The following FGF13 variants were observed in gnomAD, a reference collection of about 807,000 sequenced individuals.
The protein encoded by FGF13 is fibroblast growth factor 13.
Under a neutral mutation model 19.5 loss-of-function variants are expected in FGF13, and 2 were observed. The observed-to-expected ratio is 0.10, with a 90% CI of 0.04 to 0.32. The LOEUF is 0.32. Ranked by LOEUF, FGF13 falls within the 10% of genes least tolerant of loss-of-function variation. FGF13 has a pLI of 1.00. For synonymous variants in FGF13, 72 were observed against 76.9 expected, an observed-to-expected ratio of 0.94 and a Z score of 0.33; for missense variants, 113 against 192.7, an observed-to-expected ratio of 0.59 and a Z score of 2.45.
chrX:138,718,044 T>C (rs1326317106), intron 1 of FGF13, among the ~76,000 whole-genome samples: 1 of 112,377 alleles, frequency 8.9e-6, no homozygotes, highest in Non-Finnish European at 1.9e-5. Flanking sequence ...ACACAATAAA[T>C]GTATTATTAA....
intron 1 of FGF13, among the ~76,000 whole-genome samples, chrX:139,120,733 G>C (rs1411294152): frequency 8.9e-6 from 1 of 112,682 alleles, no homozygotes; most frequent in Non-Finnish European, 1.9e-5. Flanking sequence ...AATTAGTTTG[G>C]GACATGTCCC....
At chrX:138,871,707 G>A (rs965824979) in intron 1 of FGF13, among the ~76,000 whole-genome samples, 1 of 111,650 alleles carries the variant, frequency 9.0e-6, no homozygotes, top group African/African-American at 3.3e-5. Flanking sequence ...CAGGAGAAAA[G>A]AGTTTCCAGT....
At chrX:138,706,503 T>C (rs182500088) in intron 2 of FGF13, among the ~76,000 whole-genome samples, 3 of 111,690 alleles carry the variant, frequency 2.7e-5, no homozygotes. Context: ...CGCAATTCAA[T>C]CAAATTAAAC....
chrX:139,007,899 G>C (rs910304360), intron 1 of FGF13, among the ~76,000 whole-genome samples: 1 of 112,609 alleles, frequency 8.9e-6, no homozygotes, highest in South Asian at 3.7e-4. Context: ...GTGATCTGGG[G>C]TAAGTTCTCA....
rs751361864 is a variant in FGF13 at position 138,909,863 on chromosome X, G to T, written c.-112-45213C>A. 5.4e-5 allele frequency among the ~76,000 whole-genome samples: 6 copies of T among 111,731 alleles called. No homozygotes were observed. The South Asian group carries it at 1.5e-3, about 28-fold the overall frequency. ...GAATATGTTAGCAGGCATTTGGTGG[G>T]TATATATGTGAATTGGCATGCACAT... On this transcript the variant is annotated intron_variant, in intron 1 of 2. Coordinates refer to the FGF13 transcript ENST00000421460.
intron 1 of FGF13, among the ~76,000 whole-genome samples, chrX:139,093,390 G>A (rs1296362784): frequency 8.9e-6 from 1 of 111,849 alleles, no homozygotes; most frequent in Non-Finnish European, 1.9e-5. Context: ...TTTCAGAGCT[G>A]GTCATACATA....
chrX:138,772,034 A>G (rs994414087), intron 3 of FGF13, among the ~76,000 whole-genome samples: 39 of 82,181 alleles, frequency 4.7e-4, no homozygotes, highest in African/African-American at 1.7e-3. Flanking sequence ...ATATATATAT[A>G]TATATATATA....
At chrX:138,694,487 G>C (rs1221170659) in intron 3 of FGF13, among the ~76,000 whole-genome samples, 2 of 85,848 alleles carry the variant, frequency 2.3e-5, no homozygotes, top group Admixed American at 3.1e-4. Flanking sequence ...GTCTCGCTCT[G>C]TCACCCAGGC....
At chrX:138,786,349 C>A (rs995152321) in intron 3 of FGF13, among the ~76,000 whole-genome samples, 2 of 111,185 alleles carry the variant, frequency 1.8e-5, no homozygotes, top group Non-Finnish European at 3.8e-5. Flanking sequence ...TGGGATGGAA[C>A]TAAAGTATAA....
At chrX:139,104,286 G>A (rs1033139922) in intron 1 of FGF13, among the ~76,000 whole-genome samples, 1 of 110,280 alleles carries the variant, frequency 9.1e-6, no homozygotes, top group African/African-American at 3.3e-5. Context: ...ACCTAGGCTG[G>A]GACTTCTTGT....
At chrX:138,940,044 T>TA (rs1359042638) in intron 1 of FGF13, among the ~76,000 whole-genome samples, 2 of 112,063 alleles carry the variant, frequency 1.8e-5, no homozygotes, top group African/African-American at 6.5e-5. Flanking sequence ...CAGAATTGTA[T>TA]AAGCATTCCC....
At chrX:138,869,198 C>CTGGTTCCTG (rs2091344990) in intron 1 of FGF13, among the ~76,000 whole-genome samples, 1 of 111,900 alleles carries the variant, frequency 8.9e-6, no homozygotes, top group African/African-American at 3.2e-5. Context: ...TGCTTTTCTC[C>CTGGTTCCTG]ATGCCCAGGA....
intron 1 of FGF13, among the ~76,000 whole-genome samples, chrX:138,894,953 C>T (rs1452536397): frequency 1.8e-5 from 2 of 111,980 alleles, no homozygotes; most frequent in East Asian, 5.6e-4. Context: ...ACATCAAATG[C>T]TTATCCACCA....
At chrX:138,929,128 A>G (rs890170200) in intron 1 of FGF13, among the ~76,000 whole-genome samples, 1 of 112,044 alleles carries the variant, frequency 8.9e-6, no homozygotes, top group African/African-American at 3.2e-5. Context: ...CTTTGGCATC[A>G]GGACACAGGA....
At chrX:139,146,075 T>A (rs1418416427) in intron 1 of FGF13, among the ~76,000 whole-genome samples, 3 of 111,548 alleles carry the variant, frequency 2.7e-5, no homozygotes, top group Non-Finnish European at 5.7e-5. Flanking sequence ...ACTTCATGAC[T>A]AAAACACCAA....
chrX:139,158,246 C>A (rs2083996111), intron 1 of FGF13, among the ~76,000 whole-genome samples: 1 of 108,479 alleles, frequency 9.2e-6, no homozygotes, highest in Non-Finnish European at 1.9e-5. Context: ...GTGCCTGGAA[C>A]ACCAGAGAGA....
chrX:138,958,972 G>A (rs2091855738), intron 1 of FGF13, among the ~76,000 whole-genome samples: 1 of 111,546 alleles, frequency 9.0e-6, no homozygotes, highest in Non-Finnish European at 1.9e-5. Context: ...CAAAAACCCA[G>A]CTCCTGGATT....
intron 3 of FGF13, among the ~76,000 whole-genome samples, chrX:138,780,797 C>G (rs1256995619): frequency 3.6e-5 from 4 of 110,860 alleles, no homozygotes; most frequent in Non-Finnish European, 7.5e-5. Flanking sequence ...ATTGAACTCA[C>G]CTCTGCACCA....
intron 1 of FGF13, among the ~76,000 whole-genome samples, chrX:138,924,732 C>G (rs12687971): frequency 0.061 from 6,669 of 108,911 alleles, 256 homozygotes; most frequent in Admixed American, 0.13. Context: ...GCTATGCTCA[C>G]TCAACTGCCA....
Sources: gnomAD v4.1 joint callset for allele counts (sites outside exome capture counted in the v4.1 genomes callset) on GRCh38, gnomAD v4.1.1 for gene constraint, MANE v1.5 for transcripts, NCBI Gene and HGNC (gene_info 2026-07-23, HGNC 2026-07-21) for gene names.